TTC21A: variants seen among roughly 807,000 people sequenced by gnomAD.
The protein encoded by TTC21A is tetratricopeptide repeat protein 21A.
In TTC21A, 128 loss-of-function variants were observed where a neutral mutation model predicts 156.4. The ratio of observed to expected loss-of-function variants is 0.82; its 90% CI spans 0.71 to 0.95. TTC21A has a LOEUF of 0.95. Ranked by LOEUF, TTC21A falls within the 40% of genes least tolerant of loss-of-function variation. The pLI is 0.00. For missense variants in TTC21A, 1,435 were observed against 1,602.3 expected (o/e 0.90, Z 1.78); for synonymous variants, 587 against 617.1 (o/e 0.95, Z 0.72).
Position 39,128,851 on chromosome 3 carries a change from C to T in TTC21A, c.1815C>T (p.Phe605=), listed in dbSNP as rs777246055. The change falls in exon 14 of 29, where the codon TTC becomes TTT. Residue 605 remains phenylalanine, a synonymous_variant. Transcript: ENST00000683103. ...PALKKEEGRK[F]LRPSVQPSQR... ...TGAAGAAGGAAGAAGGCAGAAAGTT[C>T]CTCAGGCCCTCTGTGCAGCCTAGCC... 1.9e-6 allele frequency: 3 copies of T among 1,614,196 alleles called. No individual in the cohort carries two copies. Among genetic ancestry groups the T allele is most frequent in the Non-Finnish European group, 2.5e-6 (3 of 1,180,042 alleles).
chr3:39,112,752 C>A, intron 5 of TTC21A, 172 bp downstream of exon 5: 2 of 470,512 alleles, frequency 4.3e-6, no homozygotes, highest in Non-Finnish European at 5.6e-6. Flanking sequence ...CACAGCAGTC[C>A]AAGGTCCACT....
intron 15 of TTC21A, 46 bp downstream of exon 15, chr3:39,129,356 T>A: frequency 1.4e-6 from 2 of 1,400,946 alleles, no homozygotes; most frequent in Non-Finnish European, 2.0e-6. Context: ...TCCAATGGTA[T>A]CTTAGGGAGT....
intron 26 of TTC21A, 34 bp from the exon 27 acceptor site, chr3:39,138,233 G>A (rs372420281): frequency 8.7e-6 from 14 of 1,613,288 alleles, no homozygotes; most frequent in African/African-American, 5.3e-5. Flanking sequence ...TGGGGCTTCC[G>A]CTCTGCAGAG....
chr3:39,130,757 C>T lies in TTC21A; in HGVS notation c.2376C>T (p.Cys792=), dbSNP rs749024467. 59 of 1,614,104 alleles carry T rather than the reference C, an allele frequency of 3.7e-5. No homozygotes were observed. Among genetic ancestry groups the T allele is most frequent in the East Asian group, 2.9e-4 (13 of 44,876 alleles). ...TTAATGGACAGGACTTTCTGTGCTG[C>T]GATCTGGGCAAACTGCTCCTGAAGT... ...QKINGQDFLC[C]DLGKLLLKLK... Residue 792 remains cysteine (C), a synonymous_variant, in exon 18 of 29, where the codon TGC becomes TGT. Transcript: ENST00000683103. This position sits in a 1 kb window ranked among gnomAD's most constrained non-coding sequence, Gnocchi z 4.5.
intron 2 of TTC21A, 74 bp downstream of exon 2, chr3:39,109,288 G>T: frequency 6.6e-7 from 1 of 1,512,852 alleles, no homozygotes; most frequent in Non-Finnish European, 9.1e-7. Flanking sequence ...CCACCTGGAT[G>T]CCTTCTTGTA....
intron 4 of TTC21A, among the ~76,000 whole-genome samples, chr3:39,112,029 G>A (rs892135490): frequency 4.6e-5 from 7 of 152,172 alleles, no homozygotes; most frequent in African/African-American, 1.2e-4. Flanking sequence ...GCCAGGCCTC[G>A]TGCTGGCCTA....
rs1170839637 is a variant in TTC21A, at chr3:39,136,892, A to C, written c.3096-7A>C. The C allele has an allele frequency of 2.5e-6, 4 of 1,613,614 alleles. No individual in the cohort carries two copies. The highest frequency in any genetic ancestry group is 1.7e-6 in the Non-Finnish European group (2 of 1,179,916). On this transcript the variant is annotated splice_polypyrimidine_tract_variant and splice_region_variant and intron_variant, in intron 23 of 28. Transcript: ENST00000683103. ...CTCACTGATTCTTGGTGTTTTCTCC[A>C]CCACAGGCACATAGGGCAGCCCAAC...
intron 6 of TTC21A, among the ~76,000 whole-genome samples, chr3:39,115,874 G>T (rs2037251513): frequency 6.6e-6 from 1 of 152,094 alleles, no homozygotes; most frequent in African/African-American, 2.4e-5. Context: ...TCCTTCCCTG[G>T]AGAAGAATCC....
rs375670571 is a variant in TTC21A at position 39,138,768 on chromosome 3, C to T, written c.3922C>T (p.Arg1308Ter). The T allele has an allele frequency of 2.9e-5, 46 of 1,613,876 alleles. No individual in the cohort carries two copies. Among genetic ancestry groups the T allele is most frequent in the African/African-American group, 1.3e-4 (10 of 74,884 alleles). Residue 1308 changes from arginine to a stop codon, truncating the protein, a stop_gained, in exon 29 of 29, where the codon CGA (arginine) becomes TGA (stop). Transcript: ENST00000683103. LOFTEE classifies it high-confidence loss of function. ...CAGGGAGGAAATTTTGGAAAAGGCCCGAAGGTCCCTGAGGCCCTAGCTGGG... is the reference window on the plus strand; with the variant it reads ...CAGGGAGGAAATTTTGGAAAAGGCCTGAAGGTCCCTGAGGCCCTAGCTGGG... ...KIREEILEKA[R>*]RSLRP is the part of the protein sequence containing the mutation.
At chr3:39,109,021 A>G in intron 1 of TTC21A, 64 bp from the exon 2 acceptor site, 1 of 1,577,958 alleles carries the variant, frequency 6.3e-7, no homozygotes, top group Non-Finnish European at 8.7e-7. Flanking sequence ...GTCTCATCCC[A>G]TCTGGGACAG....
In TTC21A at chr3:39,111,034, G is replaced by A. The variant is rs935385844; in HGVS notation, c.435+17G>A. The A allele has an allele frequency of 5.1e-6, 8 of 1,582,492 alleles. No homozygotes were observed. Among genetic ancestry groups the A allele is most frequent in the Non-Finnish European group, 6.9e-6 (8 of 1,160,924 alleles). On this transcript the variant is annotated intron_variant, in intron 4 of 28. Transcript: ENST00000683103. ...TTCAGAGAGGTACTTACCACACCAT[G>A]GGGACAACAGGCGAAGAAAGCAGCA...
At position 39,134,444 on chromosome 3, in the gene TTC21A, T is replaced by C; in HGVS notation, c.2862+116T>C. 1 of 790,094 alleles carries C rather than the reference T, an allele frequency of 1.3e-6. No homozygotes were observed. The highest frequency in any genetic ancestry group is 2.3e-6 in the Non-Finnish European group (1 of 438,004). 48.9% of individuals were successfully genotyped at this position (790,094 alleles called of 1,614,324 possible). A position where few individuals can be genotyped will look rare whatever the true frequency, so the allele number is the denominator to read the frequency against. ...ACCTCAGATGCCTCACTGACACACC[T>C]CTGAGGAGCTGTCGGGCAGAGAGGA... On this transcript the variant is annotated intron_variant, in intron 21 of 28. Coordinates refer to ENST00000683103, the MANE Select transcript of TTC21A (RefSeq NM_001366900.1). The surrounding 1 kb of genome is among the most constrained non-coding windows in gnomAD (Gnocchi z 4.6).
At chr3:39,111,282 A>T (rs1029413723) in intron 4 of TTC21A, among the ~76,000 whole-genome samples, 3 of 151,732 alleles carry the variant, frequency 2.0e-5, no homozygotes, top group Non-Finnish European at 4.4e-5. Flanking sequence ...TTTTTTTGAG[A>T]CCTCACTGCA....
intron 4 of TTC21A, 29 bp downstream of exon 4, chr3:39,111,046 C>G (rs200448447): frequency 1.3e-6 from 2 of 1,575,302 alleles, no homozygotes; most frequent in Non-Finnish European, 1.7e-6. Context: ...GGACAACAGG[C>G]GAAGAAAGCA....
At chr3:39,108,528 C>A (rs1388658306) in intron 1 of TTC21A, among the ~76,000 whole-genome samples, 1 of 152,220 alleles carries the variant, frequency 6.6e-6, no homozygotes, top group African/African-American at 2.4e-5. Flanking sequence ...AGGATGGTGT[C>A]TGGGCTCTTT....
Position 39,138,371 on chromosome 3 carries a change from C to T in TTC21A, c.3780C>T (p.His1260=), listed in dbSNP as rs375749266. The change falls in exon 27 of 29, where the codon CAC becomes CAT. Residue 1260 remains histidine (H), a synonymous_variant. Coordinates refer to ENST00000683103, the MANE Select transcript of TTC21A (RefSeq NM_001366900.1). ...NYKLAWKYSH[H]ANPAIGFKLA... ...AACTGGCCTGGAAGTACAGTCATCA[C>T]GCCAACCCTGCCATTGGTAAGGCAA... 1.2e-5 allele frequency: 20 copies of T among 1,614,048 alleles called. No individual in the cohort carries two copies. In the East Asian group the frequency reaches 1.3e-4, roughly 11 times the overall value.
intron 22 of TTC21A, among the ~76,000 whole-genome samples, chr3:39,135,403 C>T (rs1489004093): frequency 6.6e-6 from 1 of 152,236 alleles, no homozygotes. Flanking sequence ...GGACCCAGGA[C>T]AGCATGTCTG....
Position 39,125,316 on chromosome 3 carries a change from G to C in TTC21A, c.1192-16G>C. On this transcript the variant is annotated splice_polypyrimidine_tract_variant and intron_variant, in intron 10 of 28. Coordinates refer to ENST00000683103, the MANE Select transcript of TTC21A (RefSeq NM_001366900.1). ...AGGCTGACATTGGCACTGAGACTCG[G>C]TCCTCTCTTCCACAGGTGCTAATTT... 1 of 1,612,530 alleles carries C rather than the reference G, an allele frequency of 6.2e-7. No homozygotes were observed. The highest frequency in any genetic ancestry group is 8.5e-7 in the Non-Finnish European group (1 of 1,179,256).
rs60845030 is a variant in TTC21A, at chr3:39,124,658, C to CAA, written c.1094-391_1094-390dup. Among the ~76,000 whole-genome samples the CAA allele has an allele frequency of 2.3e-4, 16 of 71,032 alleles. 1 individual carries two copies. Among genetic ancestry groups the CAA allele is most frequent in the Non-Finnish European group, 2.9e-4 (10 of 34,976 alleles). The allele number at this position is 71,032 out of a possible 152,430, so 46.6% of individuals were successfully genotyped here. The stretch of plus-strand genomic sequence containing the variant: ...TGGGCAAAAGAGCGAAACTCCGTCT[C>CAA]AAAAAAAAAAAAAAAGCAGATTGTA... On this transcript the variant is annotated intron_variant, in intron 9 of 28. Transcript: ENST00000683103.
Sources: allele counts gnomAD v4.1 joint callset (sites outside exome capture counted in the v4.1 genomes callset), GRCh38; gene constraint gnomAD v4.1.1; non-coding constraint Gnocchi (gnomAD v3.1); transcripts MANE v1.5; gene names NCBI Gene and HGNC (gene_info 2026-07-23, HGNC 2026-07-21).